RRAGC: variants seen among roughly 807,000 people sequenced by gnomAD.
The protein encoded by RRAGC is Ras related GTP binding C.
A neutral mutation model predicts 37.1 loss-of-function variants in RRAGC; 8 were observed. The observed-to-expected ratio is 0.22, with a 90% CI of 0.13 to 0.39. RRAGC has a LOEUF of 0.39. Among genes scored for constraint, RRAGC ranks in the 10% least tolerant of loss-of-function variants. The pLI is 1.00. For synonymous variants in RRAGC, 190 were observed against 181.1 expected (o/e 1.05, Z -0.39); for missense variants, 342 against 497.6 (o/e 0.69, Z 2.98).
chr1:38,850,716 C>T (rs889986997), intron 5 of RRAGC, among the ~76,000 whole-genome samples: 2 of 151,988 alleles, frequency 1.3e-5, no homozygotes, highest in African/African-American at 2.4e-5. Flanking sequence ...AGAGAGAAGA[C>T]ACAGGTAGTA....
At chr1:38,844,286 T>C (rs1642002874) in intron 6 of RRAGC, among the ~76,000 whole-genome samples, 1 of 152,016 alleles carries the variant, frequency 6.6e-6, no homozygotes, top group African/African-American at 2.4e-5. Flanking sequence ...GAGAACGTCT[T>C]ACTAATAGCT....
chr1:38,859,525 CCCGCCG>C lies in RRAGC; in HGVS notation c.116_121del (p.Ala39_Ala40del). 1.9e-6 allele frequency: 3 copies of C among 1,542,736 alleles called. No individual in the cohort carries two copies. Among genetic ancestry groups the C allele is most frequent in the Non-Finnish European group, 2.6e-6 (3 of 1,142,658 alleles). The stretch of plus-strand genomic sequence containing the variant: ...GCCTGCCCCTGCCCCAACCCCTCCG[CCCGCCG>C]CCGCCGCCTCCTCTTCCTCCTCCTC... On this transcript the variant is annotated inframe_deletion, in exon 1 of 7. Transcript: ENST00000373001.
chr1:38,856,737 T>C, intron 2 of RRAGC, 142 bp downstream of exon 2: 1 of 710,228 alleles, frequency 1.4e-6, no homozygotes, highest in Non-Finnish European at 2.4e-6. Flanking sequence ...CAAAGCACTC[T>C]GCAACTGCAT....
At chr1:38,854,912 A>G (rs962222294) in intron 3 of RRAGC, among the ~76,000 whole-genome samples, 2 of 152,212 alleles carry the variant, frequency 1.3e-5, no homozygotes, top group East Asian at 1.9e-4. Flanking sequence ...TCGTCAAGAG[A>G]ATATTTTCTT....
intron 3 of RRAGC, among the ~76,000 whole-genome samples, chr1:38,853,696 G>A (rs948708074): frequency 7.3e-5 from 11 of 151,094 alleles, no homozygotes; most frequent in East Asian, 3.9e-4. Context: ...GCGGTGAGCC[G>A]AGATGGCATC....
Position 38,852,793 on chromosome 1 carries a change from A to G in RRAGC, c.642-305T>C, listed in dbSNP as rs541736545. 1.8e-4 allele frequency: 30 copies of G among 168,396 alleles called. No individual in the cohort carries two copies. The East Asian group carries it at 4.9e-3, about 28-fold the overall frequency. The allele number at this position is 168,396 out of a possible 1,614,324, so 10.4% of individuals were successfully genotyped here. A position where few individuals can be genotyped will look rare whatever the true frequency, so the allele number is the denominator to read the frequency against. ...GATCCAAAAAGCTTTTTTTAAGCAC[A>G]TAACTGAGACCAAAAATAAGACTAA... On this transcript the variant is annotated intron_variant, in intron 3 of 6. Transcript: ENST00000373001.
chr1:38,857,160 T>C, intron 1 of RRAGC, 78 bp from the exon 2 acceptor site: 1 of 1,229,786 alleles, frequency 8.1e-7, no homozygotes, highest in Non-Finnish European at 1.2e-6. Context: ...GGTTTAACAT[T>C]TAAACATTTG....
In RRAGC at chr1:38,859,327, G is replaced by C. The variant is rs1201743753; in HGVS notation, c.237+83C>G. 7 of 1,300,298 alleles carry C rather than the reference G, an allele frequency of 5.4e-6. No homozygotes were observed. In the African/African-American group the frequency reaches 6.0e-5, roughly 11 times the overall value. 80.5% of individuals were successfully genotyped at this position (1,300,298 alleles called of 1,614,324 possible). ...GAGGGACGGAGCGCAGGCGGGCCCC[G>C]GCCGCCGCCCTCCCGGGCGTCCCCG... On this transcript the variant is annotated intron_variant, in intron 1 of 6. Transcript: ENST00000373001.
rs1356582662 is a variant in RRAGC at position 38,859,671 on chromosome 1, G to A, written c.-25C>T. On this transcript the variant is annotated 5_prime_UTR_variant, in exon 1 of 7. Coordinates refer to ENST00000373001, the MANE Select transcript of RRAGC (RefSeq NM_022157.4). ...TGGTGCTGGAGCCGCCGCCGCCCGC[G>A]CCCTGACAGGCCAGGCCAGGCCGAG... is the stretch of plus-strand genomic sequence containing the variant. 22 of 1,524,044 alleles carry A rather than the reference G, an allele frequency of 1.4e-5. No individual in the cohort carries two copies. Among genetic ancestry groups the A allele is most frequent in the Non-Finnish European group, 1.8e-5 (21 of 1,135,736 alleles). The allele number at this position is 1,524,044 out of a possible 1,614,324, so 94.4% of individuals were successfully genotyped here.
rs58058501 is a variant in RRAGC, at chr1:38,854,065, C to CT, written c.642-1578dup. On this transcript the variant is annotated intron_variant, in intron 3 of 6. Transcript: ENST00000373001. ...AGGACTGCTAGTACTAAATAAAAGT[C>CT]TTTTTTTTTTTTTTTTTTTTGAGAC... Among the ~76,000 whole-genome samples, 218 of 74,780 alleles carry CT rather than the reference C, an allele frequency of 2.9e-3. 3 individuals are homozygous for CT. Among genetic ancestry groups the CT allele is most frequent in the South Asian group, 9.5e-3 (22 of 2,324 alleles). The allele number at this position is 74,780 out of a possible 152,430, so 49.1% of individuals were successfully genotyped here.
At chr1:38,851,115 GATTT>G (rs762586637) in intron 5 of RRAGC, among the ~76,000 whole-genome samples, 60 of 152,170 alleles carry the variant, frequency 3.9e-4, no homozygotes, top group Non-Finnish European at 7.8e-4. Flanking sequence ...AAATTTTAGA[GATTT>G]ATTTTGGAAA....
Position 38,851,690 on chromosome 1 carries a change from G to T in RRAGC, c.824C>A (p.Ser275Tyr). The T allele has an allele frequency of 6.2e-7, 1 of 1,600,382 alleles. No homozygotes were observed. The highest frequency in any genetic ancestry group is 8.5e-7 in the Non-Finnish European group (1 of 1,176,108). Reference protein sequence around the residue: ...VSKIYIATDSSPVDMQSYELC... With the variant: ...VSKIYIATDSYPVDMQSYELC... Reference sequence around the variant, plus strand: ...TTCATAAGATTGCATATCCACAGGGGAACTGTCTGTTGCAATGTAGATTTT... The same window carrying T: ...TTCATAAGATTGCATATCCACAGGGTAACTGTCTGTTGCAATGTAGATTTT... Residue 275 changes from serine to tyrosine, a missense_variant, in exon 5 of 7, where the codon TCC becomes TAC. Transcript: ENST00000373001.
At chr1:38,843,150 A>T (rs1641984708) in intron 6 of RRAGC, among the ~76,000 whole-genome samples, 1 of 152,046 alleles carries the variant, frequency 6.6e-6, no homozygotes, top group Non-Finnish European at 1.5e-5. Context: ...GGCAAGAGAG[A>T]GAGATCCTAT....
chr1:38,852,262 T>C, intron 4 of RRAGC, 112 bp downstream of exon 4: 1 of 705,034 alleles, frequency 1.4e-6, no homozygotes, highest in Admixed American at 2.5e-5. Flanking sequence ...CACTAGTCTT[T>C]GTACTTGATA....
At chr1:38,844,317 T>C (rs755887991) in intron 6 of RRAGC, among the ~76,000 whole-genome samples, 16 of 151,960 alleles carry the variant, frequency 1.1e-4, no homozygotes, top group Non-Finnish European at 2.1e-4. Context: ...GACGAGAGCA[T>C]GATCCCAAGT....
At chr1:38,844,842 G>C (rs1332376312) in intron 6 of RRAGC, among the ~76,000 whole-genome samples, 2 of 152,138 alleles carry the variant, frequency 1.3e-5, no homozygotes, top group Non-Finnish European at 2.9e-5. Context: ...CTCAAAAGAA[G>C]ACATTTATGC....
chr1:38,854,113 G>T (rs1013647622), intron 3 of RRAGC, among the ~76,000 whole-genome samples: 5 of 144,130 alleles, frequency 3.5e-5, no homozygotes, highest in Non-Finnish European at 7.5e-5. Context: ...TGTCACCCAG[G>T]CTGGAGTCCA....
intron 6 of RRAGC, among the ~76,000 whole-genome samples, chr1:38,841,496 G>T (rs933305550): frequency 6.6e-6 from 1 of 151,638 alleles, no homozygotes; most frequent in African/African-American, 2.4e-5. Context: ...CCTGAGTAGA[G>T]AGGACTATAG....
chr1:38,855,981 C>A, intron 2 of RRAGC, 74 bp from the exon 3 acceptor site: 2 of 979,538 alleles, frequency 2.0e-6, no homozygotes, highest in Non-Finnish European at 3.1e-6. Context: ...CCTCAAACCA[C>A]CTCTTTCCCC....
Sources: allele counts gnomAD v4.1 joint callset (sites outside exome capture counted in the v4.1 genomes callset), GRCh38; gene constraint gnomAD v4.1.1; transcripts MANE v1.5; gene names NCBI Gene and HGNC (gene_info 2026-07-23, HGNC 2026-07-21).